CTDSPL2: variants seen among roughly 807,000 people sequenced by gnomAD.
The protein encoded by CTDSPL2 is CTD small phosphatase-like protein 2.
In CTDSPL2, 5 loss-of-function variants were observed where a neutral mutation model predicts 60.0. The observed-to-expected ratio is 0.08, with a 90% CI of 0.04 to 0.18. The LOEUF (loss-of-function observed/expected upper bound fraction) is 0.18, where lower values mean the gene tolerates loss of function less well. Among genes scored for constraint, CTDSPL2 ranks in the 10% least tolerant of loss-of-function variants. The pLI is 1.00. For synonymous variants in CTDSPL2, 186 were observed against 189.3 expected (o/e 0.98, Z 0.14); for missense variants, 370 against 548.8 (o/e 0.67, Z 3.26).
chr15:44,495,671 C>T lies in CTDSPL2; in HGVS notation c.692-709C>T, dbSNP rs150827261. On this transcript the variant is annotated intron_variant, in intron 5 of 12. Coordinates refer to ENST00000260327, the MANE Select transcript of CTDSPL2 (RefSeq NM_016396.3). The stretch of plus-strand genomic sequence containing the variant: ...TTCATGGTCCGGGCGCAGTGGCTCA[C>T]GCCTGTAATCCCAACACTTTGGGAG... Among the ~76,000 whole-genome samples, 651 of 152,206 alleles carry T rather than the reference C, an allele frequency of 4.3e-3. 4 individuals carry two copies. Among genetic ancestry groups the T allele is most frequent in the African/African-American group, 0.015 (630 of 41,524 alleles).
chr15:44,431,971 G>T (rs1242343619), intron 1 of CTDSPL2, among the ~76,000 whole-genome samples: 2 of 151,716 alleles, frequency 1.3e-5, no homozygotes, highest in African/African-American at 4.8e-5. Context: ...TGATCCACCC[G>T]CCTCAGCCTC....
At chr15:44,448,327 G>A (rs2080261518) in intron 1 of CTDSPL2, 1 of 266,952 alleles carries the variant, frequency 3.7e-6, no homozygotes, top group Non-Finnish European at 7.6e-6. Flanking sequence ...CTCCCTGTGG[G>A]AGCCTTTGTG....
intron 5 of CTDSPL2, among the ~76,000 whole-genome samples, chr15:44,492,669 C>G (rs1263455540): frequency 6.6e-6 from 1 of 152,096 alleles, no homozygotes; most frequent in Non-Finnish European, 1.5e-5. Flanking sequence ...CGTGAAGAGA[C>G]AAGCAGCAAA....
intron 2 of CTDSPL2, among the ~76,000 whole-genome samples, chr15:44,475,054 CTT>C (rs936643569): frequency 3.3e-5 from 5 of 152,070 alleles, no homozygotes; most frequent in Non-Finnish European, 5.9e-5. Context: ...TAACAAAACT[CTT>C]TGCTAATTAG....
chr15:44,475,723 A>G (rs1257756744), intron 2 of CTDSPL2, among the ~76,000 whole-genome samples: 1 of 152,030 alleles, frequency 6.6e-6, no homozygotes, highest in African/African-American at 2.4e-5. Flanking sequence ...AGAACTCATT[A>G]TGTATATATT....
At chr15:44,440,239 A>G (rs544911218) in intron 1 of CTDSPL2, among the ~76,000 whole-genome samples, 1 of 147,632 alleles carries the variant, frequency 6.8e-6, no homozygotes, top group African/African-American at 2.5e-5. Context: ...TCTGTTGCCC[A>G]GGCTGGAGTG....
intron 4 of CTDSPL2, among the ~76,000 whole-genome samples, chr15:44,488,587 C>T (rs968478429): frequency 3.3e-5 from 5 of 151,912 alleles, no homozygotes; most frequent in African/African-American, 7.3e-5. Context: ...CCGAGATGGG[C>T]GGATCACTTG....
At chr15:44,449,892 G>A (rs1401879562) in intron 1 of CTDSPL2, among the ~76,000 whole-genome samples, 1 of 151,992 alleles carries the variant, frequency 6.6e-6, no homozygotes, top group Non-Finnish European at 1.5e-5. Flanking sequence ...TTGGGAGGGT[G>A]AGGCAGGAGA....
intron 1 of CTDSPL2, among the ~76,000 whole-genome samples, chr15:44,429,759 G>A (rs1051668456): frequency 3.1e-4 from 47 of 152,274 alleles, no homozygotes; most frequent in Middle Eastern, 3.4e-3. Context: ...CCAGCTACTC[G>A]GGAGGCTGAG....
chr15:44,516,016 C>T (rs1241674355), intron 10 of CTDSPL2, among the ~76,000 whole-genome samples: 14 of 143,048 alleles, frequency 9.8e-5, no homozygotes, highest in Non-Finnish European at 1.7e-4. Flanking sequence ...CGGATTCTCA[C>T]TCTGTTGCCC....
intron 2 of CTDSPL2, among the ~76,000 whole-genome samples, chr15:44,468,978 C>T (rs2080751709): frequency 6.6e-6 from 1 of 152,152 alleles, no homozygotes; most frequent in Non-Finnish European, 1.5e-5. Flanking sequence ...TTTATCATAT[C>T]AGCTGTGTAG....
At chr15:44,445,790 A>G (rs1321983581) in intron 1 of CTDSPL2, among the ~76,000 whole-genome samples, 4 of 149,884 alleles carry the variant, frequency 2.7e-5, no homozygotes, top group African/African-American at 9.8e-5. Context: ...GGCGCCCACC[A>G]CCATGCCCAG....
chr15:44,443,971 T>C lies in CTDSPL2; in HGVS notation c.-24-15020T>C, dbSNP rs2080147399. 3.3e-5 allele frequency among the ~76,000 whole-genome samples: 5 copies of C among 151,746 alleles called. No homozygotes were observed. In the South Asian group the frequency reaches 1.0e-3, roughly 32 times the overall value. ...AGGCTGGAGTGTAGTGGTGCACTTG[T>C]AGCTCGCTGCACTCTTGAACTCCTG... On this transcript the variant is annotated intron_variant, in intron 1 of 12. Transcript: ENST00000260327.
intron 8 of CTDSPL2, chr15:44,503,624 T>C (rs2081413859): frequency 1.3e-5 from 2 of 152,242 alleles, no homozygotes; most frequent in South Asian, 4.1e-4. Context: ...GTAATAGAAC[T>C]ACTCAGCCCA....
Position 44,459,019 on chromosome 15 carries a change from G to T in CTDSPL2, c.5G>T (p.Arg2Met). The T allele has an allele frequency of 6.4e-7, 1 of 1,561,182 alleles. No individual in the cohort carries two copies. The highest frequency in any genetic ancestry group is 8.7e-7 in the Non-Finnish European group (1 of 1,155,790). M[R>M]LRTRKASQQS... ...TACATGTGGCACCCATAAAAGATGA[G>T]GCTGAGAACACGGAAAGCTTCTCAG... Residue 2 changes from arginine to methionine, a missense_variant, in exon 2 of 13, where the codon AGG becomes ATG. Arg to Met is a moderately conservative substitution (Grantham distance 91). Around this residue, in one of 6 missense-constraint regions of CTDSPL2, gnomAD observed 287 missense variants for 296.1 expected, o/e 0.97. Transcript: ENST00000260327.
At chr15:44,519,121 T>G in intron 10 of CTDSPL2, 48 bp from the exon 11 acceptor site, 1 of 1,340,240 alleles carries the variant, frequency 7.5e-7, no homozygotes, top group Non-Finnish European at 9.7e-7. Context: ...TATGTTCTAC[T>G]TTTTAGAAAG....
At chr15:44,506,536 C>A (rs1325598376) in intron 8 of CTDSPL2, among the ~76,000 whole-genome samples, 1 of 151,064 alleles carries the variant, frequency 6.6e-6, no homozygotes, top group African/African-American at 2.4e-5. Context: ...CTCACCTCAG[C>A]CTCCCAAACA....
chr15:44,432,929 G>T (rs865784896), intron 1 of CTDSPL2, among the ~76,000 whole-genome samples: 1 of 151,934 alleles, frequency 6.6e-6, no homozygotes, highest in Non-Finnish European at 1.5e-5. Flanking sequence ...GCCGATTCCT[G>T]TGTTAGATTG....
intron 4 of CTDSPL2, 144 bp from the exon 5 acceptor site, chr15:44,490,640 A>G: frequency 3.1e-6 from 2 of 642,174 alleles, no homozygotes; most frequent in Non-Finnish European, 5.5e-6. Context: ...ATAGCTAGCA[A>G]AGATTCTCTA....
Sources: allele counts gnomAD v4.1 joint callset (sites outside exome capture counted in the v4.1 genomes callset), GRCh38; gene constraint gnomAD v4.1.1; regional missense constraint gnomAD v4.1.1; transcripts MANE v1.5; gene names NCBI Gene and HGNC (gene_info 2026-07-23, HGNC 2026-07-21).